PDE6G: variants seen among roughly 807,000 people sequenced by gnomAD.
The protein encoded by PDE6G is phosphodiesterase 6G.
In PDE6G, 10 loss-of-function variants were observed where a neutral mutation model predicts 10.9. That is an observed-to-expected ratio of 0.91 (90% confidence interval 0.56 to 1.55). The LOEUF (loss-of-function observed/expected upper bound fraction) is 1.55. Among genes scored for constraint, PDE6G ranks in the 40% most tolerant of loss-of-function variants. PDE6G has a pLI of 0.00. For missense variants in PDE6G, 102 were observed against 110.1 expected (o/e 0.93, Z 0.33); for synonymous variants, 41 against 42.8 (o/e 0.96, Z 0.16).
At chr17:81,660,506 C>T (rs765705946), upstream of PDE6G, among the ~76,000 whole-genome samples, 12 of 152,144 alleles carry the variant, frequency 7.9e-5, no homozygotes, top group South Asian at 4.1e-4. Flanking sequence ...TTTCCCAAAG[C>T]GGCTGTGTAT....
chr17:81,654,498 G>T (rs889892877), intron 1 of PDE6G, among the ~76,000 whole-genome samples: 1 of 150,566 alleles, frequency 6.6e-6, no homozygotes, highest in Non-Finnish European at 1.5e-5. Context: ...TCCTGCCTCA[G>T]CCTCCGGAGT....
At chr17:81,662,288 A>G (rs1003710571) in intron 1 of PDE6G, among the ~76,000 whole-genome samples, 2 of 152,110 alleles carry the variant, frequency 1.3e-5, no homozygotes, top group African/African-American at 4.8e-5. Context: ...TCATCCCTGT[A>G]ACCAAAACCT....
upstream of PDE6G, among the ~76,000 whole-genome samples, chr17:81,659,523 C>T (rs1438533483): frequency 2.6e-5 from 4 of 151,906 alleles, no homozygotes; most frequent in East Asian, 3.9e-4. Context: ...CATTTAAACC[C>T]GGGAGGCGGA....
rs2036346776 is a variant in PDE6G, at chr17:81,651,181, G to A, written c.188-31C>T. Reference sequence around the variant, plus strand: ...GGAGAAACGGGCCACGGATCAGAGAGGATCCCACGGCCTAGGGACCCCCCC... The same window carrying A: ...GGAGAAACGGGCCACGGATCAGAGAAGATCCCACGGCCTAGGGACCCCCCC... On this transcript the variant is annotated intron_variant, in intron 3 of 3. Coordinates refer to ENST00000331056, the MANE Select transcript of PDE6G (RefSeq NM_002602.4). The surrounding 1 kb of genome is among the most constrained non-coding windows in gnomAD (Gnocchi z 4.8). 3 of 1,527,902 alleles carry A rather than the reference G, an allele frequency of 2.0e-6. No homozygotes were observed. Among genetic ancestry groups the A allele is most frequent in the African/African-American group, 1.4e-5 (1 of 73,208 alleles). 94.6% of individuals were successfully genotyped at this position (1,527,902 alleles called of 1,614,324 possible).
rs139487034 is a variant in PDE6G, at chr17:81,651,665, C to T, written c.167G>A (p.Gly56Glu). ...CATACCTGTTCCCAGGCCTTCCATT[C>T]CAGGGATGTCGTCCCCAAACCTGCA... ...GVQGFGDDIP[G>E]MEGLGTDITV... Residue 56 changes from glycine (G) to glutamate (E), a missense_variant, in exon 3 of 4, where the codon GGA (glycine) becomes GAA (glutamate). Transcript: ENST00000331056. The surrounding 1 kb of genome is among the most constrained non-coding windows in gnomAD (Gnocchi z 4.8). 6.2e-7 allele frequency: 1 copy of T among 1,613,924 alleles called. No homozygotes were observed. Among genetic ancestry groups the T allele is most frequent in the Non-Finnish European group, 8.5e-7 (1 of 1,179,964 alleles).
At position 81,654,918 on chromosome 17, in the gene PDE6G, A is replaced by AT. The variant is rs571010566; in HGVS notation, c.-59-1555dup. On this transcript the variant is annotated intron_variant, in intron 1 of 3. Transcript: ENST00000331056. ...GCCCGACACCACGCCCGGCTAATTT[A>AT]TTTTTTTTTTTGTATTTTTTAGTAG... 3.7e-3 allele frequency among the ~76,000 whole-genome samples: 533 copies of AT among 142,396 alleles called. 5 individuals carry two copies. Among genetic ancestry groups the AT allele is most frequent in the South Asian group, 0.016 (73 of 4,506 alleles). The allele number at this position is 142,396 out of a possible 152,430, so 93.4% of individuals were successfully genotyped here.
chr17:81,651,176 A>T lies in PDE6G; in HGVS notation c.188-26T>A. ...CTGTGGGAGAAACGGGCCACGGATCAGAGAGGATCCCACGGCCTAGGGACC... is the reference window on the plus strand; with the variant it reads ...CTGTGGGAGAAACGGGCCACGGATCTGAGAGGATCCCACGGCCTAGGGACC... On this transcript the variant is annotated intron_variant, in intron 3 of 3. Coordinates refer to ENST00000331056, the MANE Select transcript of PDE6G (RefSeq NM_002602.4). This position sits in a 1 kb window ranked among gnomAD's most constrained non-coding sequence, Gnocchi z 4.8. 6.4e-7 allele frequency: 1 copy of T among 1,571,482 alleles called. No individual in the cohort carries two copies. Among genetic ancestry groups the T allele is most frequent in the Non-Finnish European group, 8.8e-7 (1 of 1,141,328 alleles).
chr17:81,655,664 G>A (rs534451598), intron 1 of PDE6G, among the ~76,000 whole-genome samples: 6 of 152,248 alleles, frequency 3.9e-5, no homozygotes, highest in African/African-American at 1.2e-4. Context: ...ACATGCTGCC[G>A]GAAAGTTCTG....
intron 1 of PDE6G, among the ~76,000 whole-genome samples, chr17:81,656,033 C>T (rs542312747): frequency 6.6e-6 from 1 of 152,144 alleles, no homozygotes; most frequent in Non-Finnish European, 1.5e-5. Context: ...CTGCTCAGAT[C>T]CCATGGCACC....
intron 1 of PDE6G, among the ~76,000 whole-genome samples, chr17:81,654,920 T>A (rs1387137872): frequency 6.7e-6 from 1 of 148,938 alleles, no homozygotes; most frequent in Non-Finnish European, 1.5e-5. Flanking sequence ...GCTAATTTAT[T>A]TTTTTTTTTG....
chr17:81,662,213 C>T (rs1312599829), intron 1 of PDE6G, among the ~76,000 whole-genome samples: 1 of 152,162 alleles, frequency 6.6e-6, no homozygotes, highest in Non-Finnish European at 1.5e-5. Context: ...CCTCCTGAGG[C>T]TGTCACAGGC....
Position 81,651,683 on chromosome 17 carries a change from A to C in PDE6G, c.149T>G (p.Phe50Cys). The change falls in exon 3 of 4, where the codon TTT (phenylalanine) becomes TGT (cysteine). Residue 50 changes from phenylalanine to cysteine, a missense_variant and splice_region_variant. Physicochemically the swap from Phe to Cys is radical, Grantham distance 205. Coordinates refer to ENST00000331056, the MANE Select transcript of PDE6G (RefSeq NM_002602.4). This position sits in a 1 kb window ranked among gnomAD's most constrained non-coding sequence, Gnocchi z 4.8. ...TTCCATTCCAGGGATGTCGTCCCCA[A>C]ACCTGCAAGGACAGAGCACTCAGGG... ...SKPPKKGVQG[F>C]GDDIPGMEGL... 1 of 1,614,050 alleles carries C rather than the reference A, an allele frequency of 6.2e-7. No individual in the cohort carries two copies. Among genetic ancestry groups the C allele is most frequent in the Non-Finnish European group, 8.5e-7 (1 of 1,179,946 alleles).
upstream of PDE6G, among the ~76,000 whole-genome samples, chr17:81,659,494 GA>G (rs146420204): frequency 0.096 from 14,537 of 152,024 alleles, 911 homozygotes; most frequent in Middle Eastern, 0.19. Context: ...AGCTGCCAGG[GA>G]GGCTGCGGCA....
rs752125003 is a variant in PDE6G, at chr17:81,650,533, T to C, written c.*541A>G. 7.9e-5 allele frequency: 36 copies of C among 453,952 alleles called. No individual in the cohort carries two copies. Among genetic ancestry groups the C allele is most frequent in the Non-Finnish European group, 1.4e-4 (32 of 226,774 alleles). 28.1% of individuals were successfully genotyped at this position (453,952 alleles called of 1,614,324 possible). On this transcript the variant is annotated 3_prime_UTR_variant, in exon 4 of 4. Coordinates refer to ENST00000331056, the MANE Select transcript of PDE6G (RefSeq NM_002602.4). The stretch of plus-strand genomic sequence containing the variant: ...TGTATTGAGAAGGATGGCCCCCTGG[T>C]GTGATGAGCTTGGGGCCTCATCTGC...
chr17:81,661,015 C>T (rs2036505993), upstream of PDE6G, among the ~76,000 whole-genome samples: 1 of 152,116 alleles, frequency 6.6e-6, no homozygotes, highest in Non-Finnish European at 1.5e-5. Context: ...ACTTCCTGGC[C>T]CAAGTGATCC....
rs1377520101 is a variant in PDE6G at position 81,650,676 on chromosome 17, C to T, written c.*398G>A. The T allele has an allele frequency of 4.4e-6, 2 of 457,312 alleles. No individual in the cohort carries two copies. Among genetic ancestry groups the T allele is most frequent in the Non-Finnish European group, 8.7e-6 (2 of 229,008 alleles). The allele number at this position is 457,312 out of a possible 1,614,324, so 28.3% of individuals were successfully genotyped here. ...ATCCCCTTACAGGCAGGACAGGGGG[C>T]TGGGGTGCAGAAGCACTCTGGGGAG... On this transcript the variant is annotated 3_prime_UTR_variant, in exon 4 of 4. Transcript: ENST00000331056.
chr17:81,661,631 C>T (rs929735560), intron 1 of PDE6G, among the ~76,000 whole-genome samples: 4 of 151,986 alleles, frequency 2.6e-5, no homozygotes, highest in Admixed American at 6.6e-5. Flanking sequence ...GAGGCTGAGG[C>T]GGGTGAATCA....
Position 81,653,627 on chromosome 17 carries a change from C to T in PDE6G, c.-59-263G>A. ...TCCGGACTCCCCCCTGTCCTGGCCTCCCTCGCCCCGGCCCACAATCCACAG... is the reference window on the plus strand; with the variant it reads ...TCCGGACTCCCCCCTGTCCTGGCCTTCCTCGCCCCGGCCCACAATCCACAG... On this transcript the variant is annotated intron_variant, in intron 1 of 3. Transcript: ENST00000331056. The surrounding 1 kb of genome is among the most constrained non-coding windows in gnomAD (Gnocchi z 5.2). The T allele has an allele frequency of 2.5e-6, 1 of 405,576 alleles. No homozygotes were observed. Among genetic ancestry groups the T allele is most frequent in the Admixed American group, 3.6e-5 (1 of 27,652 alleles). The allele number at this position is 405,576 out of a possible 1,614,324, so 25.1% of individuals were successfully genotyped here.
chr17:81,660,199 G>A (rs2036497094), upstream of PDE6G, among the ~76,000 whole-genome samples: 1 of 152,162 alleles, frequency 6.6e-6, no homozygotes, highest in African/African-American at 2.4e-5. Flanking sequence ...ATCAGCTGAG[G>A]CCAGGTGTTC....
Sources: gnomAD v4.1 joint callset for allele counts (sites outside exome capture counted in the v4.1 genomes callset) on GRCh38, gnomAD v4.1.1 for gene constraint, Gnocchi (gnomAD v3.1) non-coding constraint, MANE v1.5 for transcripts, NCBI Gene and HGNC (gene_info 2026-07-23, HGNC 2026-07-21) for gene names.